The following SHPRH variants were observed in gnomAD, a reference collection of about 807,000 sequenced individuals.
The protein encoded by SHPRH is SNF2 histone linker PHD RING helicase.
A neutral mutation model predicts 202.5 loss-of-function variants in SHPRH; 106 were observed. The observed-to-expected ratio is 0.52, with a 90% CI of 0.45 to 0.62. The LOEUF (loss-of-function observed/expected upper bound fraction) is 0.62, where lower values mean the gene tolerates loss of function less well. Ranked by LOEUF, SHPRH falls within the 20% of genes least tolerant of loss-of-function variation. The probability of loss-of-function intolerance (pLI) is 0.00; values close to 1 mark genes in which losing one functional copy is unlikely to be tolerated. For synonymous variants in SHPRH, 729 were observed against 686.0 expected (o/e 1.06, Z -0.98); for missense variants, 1,710 against 2,020.0 (o/e 0.85, Z 2.94).
At chr6:145,895,296 G>T (rs1781917467) in intron 25 of SHPRH, among the ~76,000 whole-genome samples, 1 of 152,016 alleles carries the variant, frequency 6.6e-6, no homozygotes, top group South Asian at 2.1e-4. Context: ...TGTTACATTA[G>T]ATTAGCAGAA....
chr6:145,867,599 AAT>A (rs374395571), intron 2 of SHPRH, among the ~76,000 whole-genome samples: 690 of 21,554 alleles, frequency 0.032, 13 homozygotes, highest in Non-Finnish European at 0.035. Flanking sequence ...TTCAAAAAAG[AAT>A]ATATATATAT....
intron 25 of SHPRH, chr6:145,905,640 A>C (rs540619987): frequency 5.9e-5 from 9 of 152,096 alleles, no homozygotes; most frequent in Non-Finnish European, 1.0e-4. Context: ...GATTCAATGT[A>C]AACTCAGCAT....
At position 145,945,555 on chromosome 6, in the gene SHPRH, G is replaced by C. The variant is rs1197867709; in HGVS notation, c.1404C>G (p.Val468=). The change falls in exon 8 of 30, where the codon GTC becomes GTG. Residue 468 remains valine, a synonymous_variant. Coordinates refer to ENST00000275233, the MANE Select transcript of SHPRH (RefSeq NM_001042683.3). The stretch of plus-strand genomic sequence containing the variant: ...GAACATCGTATCTATATATAGAACT[G>C]ACATACTTATAGATGGAAAGGATGG... The part of the protein sequence containing the change: ...GVSILSIYKY[V]SSIYRYDVQR... 1.2e-6 allele frequency: 2 copies of C among 1,612,964 alleles called. No individual in the cohort carries two copies. Among genetic ancestry groups the C allele is most frequent in the East Asian group, 2.2e-5 (1 of 44,806 alleles).
Position 145,947,635 on chromosome 6 carries a change from C to G in SHPRH, c.1070G>C (p.Arg357Pro). ...CTGCGGCCCAGAATTTGGGTACTCA[C>G]GAATGATGCTGAGGAAAAAAACAAG... Reference protein sequence around the residue: ...YYNPYTGCIIREYPNSGPQLL... With the variant: ...YYNPYTGCIIPEYPNSGPQLL... Residue 357 changes from arginine (R) to proline (P), a missense_variant, in exon 6 of 30, where the codon CGT becomes CCT. Around this residue, in one of 8 missense-constraint regions of SHPRH, gnomAD observed 459 missense variants for 426.5 expected, o/e 1.08. Transcript: ENST00000275233. 6.2e-7 allele frequency: 1 copy of G among 1,611,916 alleles called. No homozygotes were observed. The highest frequency in any genetic ancestry group is 1.1e-5 in the South Asian group (1 of 90,938).
In SHPRH at chr6:145,954,852, A is replaced by T; in HGVS notation, c.471T>A (p.Gly157=). The T allele has an allele frequency of 1.2e-6, 2 of 1,613,600 alleles. No homozygotes were observed. The highest frequency in any genetic ancestry group is 1.3e-5 in the African/African-American group (1 of 74,944). ...CTTTTTTTTGTTTCTCTACATCTTC[A>T]CCTTTTGAATGAACATAAATCAGGA... The part of the protein sequence containing the change: ...NQFLIYVHSK[G]EDVEKQKKEP... The change falls in exon 2 of 30, where the codon GGT becomes GGA. Residue 157 remains glycine, a synonymous_variant. Coordinates refer to ENST00000275233, the MANE Select transcript of SHPRH (RefSeq NM_001042683.3).
intron 17 of SHPRH, 22 bp downstream of exon 17, chr6:145,924,717 G>A (rs1562326884): frequency 1.2e-6 from 2 of 1,601,172 alleles, no homozygotes; most frequent in Non-Finnish European, 1.7e-6. Flanking sequence ...ATACAAGTAA[G>A]AAACACTGCA....
chr6:145,928,111 T>A (rs1394304692), intron 14 of SHPRH, among the ~76,000 whole-genome samples: 1 of 152,020 alleles, frequency 6.6e-6, no homozygotes, highest in Non-Finnish European at 1.5e-5. Flanking sequence ...TATTAGAACC[T>A]AGCTCTGCTC....
chr6:145,905,534 G>A (rs1782885287), intron 25 of SHPRH: 1 of 151,948 alleles, frequency 6.6e-6, no homozygotes, highest in Non-Finnish European at 1.5e-5. Flanking sequence ...ATAAAATGAT[G>A]TCATATTTGC....
At chr6:145,913,923 T>C (rs1277834708) in intron 23 of SHPRH, among the ~76,000 whole-genome samples, 1 of 152,142 alleles carries the variant, frequency 6.6e-6, no homozygotes, top group Non-Finnish European at 1.5e-5. Flanking sequence ...TTTAAACAAA[T>C]TGAACCAATG....
In SHPRH at chr6:145,946,226, T is replaced by G; in HGVS notation, c.1321+7A>C. Reference sequence around the variant, plus strand: ...AAGGTATTTCCTTTAAGAGATGTCTTACTTACGAGGGCATTGAACTTTTTC... The same window carrying G: ...AAGGTATTTCCTTTAAGAGATGTCTGACTTACGAGGGCATTGAACTTTTTC... On this transcript the variant is annotated splice_region_variant and intron_variant, in intron 7 of 29. Coordinates refer to ENST00000275233, the MANE Select transcript of SHPRH (RefSeq NM_001042683.3). The G allele has an allele frequency of 6.2e-7, 1 of 1,601,666 alleles. No individual in the cohort carries two copies. Among genetic ancestry groups the G allele is most frequent in the Non-Finnish European group, 8.5e-7 (1 of 1,173,146 alleles).
rs138886846 is a variant in SHPRH, at chr6:145,944,456, G to C, written c.1579-654C>G. Among the ~76,000 whole-genome samples, 434 of 152,118 alleles carry C rather than the reference G, an allele frequency of 2.9e-3. 3 individuals are homozygous for C. The highest frequency in any genetic ancestry group is 0.01 in the African/African-American group (419 of 41,532). The stretch of plus-strand genomic sequence containing the variant: ...CAACATAGTGGGAGTATGATAGGCA[G>C]GTAGTTAATAGGGACAGCTTCCTCC... On this transcript the variant is annotated intron_variant, in intron 8 of 29. Coordinates refer to ENST00000275233, the MANE Select transcript of SHPRH (RefSeq NM_001042683.3).
In SHPRH at chr6:145,934,866, T is replaced by C. The variant is rs755552049; in HGVS notation, c.2990+41A>G. On this transcript the variant is annotated intron_variant, in intron 13 of 29. Coordinates refer to ENST00000275233, the MANE Select transcript of SHPRH (RefSeq NM_001042683.3). ...CGTGGGCCTGAAATATTGTCTATTA[T>C]GATATACCAACTGCAATTAAAAAAA... 3.8e-6 allele frequency: 6 copies of C among 1,561,034 alleles called. No homozygotes were observed. The Admixed American group carries it at 9.1e-5, about 24-fold the overall frequency.
chr6:145,919,662 A>G lies in SHPRH; in HGVS notation c.4009-171T>C, dbSNP rs936173399. Reference sequence around the variant, plus strand: ...ATTTTTAGGATGAAATGTGAATGAAAAAAATCTCTATAGGACACTGCCTCT... The same window carrying G: ...ATTTTTAGGATGAAATGTGAATGAAGAAAATCTCTATAGGACACTGCCTCT... On this transcript the variant is annotated intron_variant, in intron 21 of 29. Transcript: ENST00000275233. Among the ~76,000 whole-genome samples, 17 of 152,250 alleles carry G rather than the reference A, an allele frequency of 1.1e-4. No homozygotes were observed. In the East Asian group the frequency reaches 1.9e-3, roughly 17 times the overall value.
chr6:145,963,027 CTTTCGGG>C (rs1202887779), intron 1 of SHPRH, among the ~76,000 whole-genome samples: 2 of 152,186 alleles, frequency 1.3e-5, no homozygotes, highest in East Asian at 3.8e-4. Context: ...AGTCCAGCTC[CTTTCGGG>C]TGGACAAAGA....
At chr6:145,876,414 T>C (rs1780305924) in intron 2 of SHPRH, among the ~76,000 whole-genome samples, 2 of 152,224 alleles carry the variant, frequency 1.3e-5, no homozygotes, top group Non-Finnish European at 2.9e-5. Flanking sequence ...ACATTTCTTA[T>C]AAACAGAAAT....
At chr6:145,923,232 A>G (rs1350308285) in intron 18 of SHPRH, among the ~76,000 whole-genome samples, 1 of 151,820 alleles carries the variant, frequency 6.6e-6, no homozygotes, top group Non-Finnish European at 1.5e-5. Context: ...TATTGGGAAG[A>G]AAGAAGAAAA....
intron 14 of SHPRH, among the ~76,000 whole-genome samples, chr6:145,927,947 G>T (rs1041410173): frequency 2.0e-5 from 3 of 151,888 alleles, no homozygotes; most frequent in Non-Finnish European, 4.4e-5. Context: ...TTAAAGCACA[G>T]TCTGGCAAAG....
chr6:145,858,890 T>C, the SHPRH span, among the ~76,000 whole-genome samples: 8 of 152,120 alleles, frequency 5.3e-5, no homozygotes, highest in South Asian at 1.0e-3. Flanking sequence ...TGGAGTGATA[T>C]GGTACTTTAG....
At position 145,948,370 on chromosome 6, in the gene SHPRH, T is replaced by C; in HGVS notation, c.983-20A>G. 2 of 1,578,322 alleles carry C rather than the reference T, an allele frequency of 1.3e-6. No individual in the cohort carries two copies. The highest frequency in any genetic ancestry group is 1.7e-6 in the Non-Finnish European group (2 of 1,162,122). On this transcript the variant is annotated intron_variant, in intron 4 of 29. Transcript: ENST00000275233. ...CACTTTCTAAAGAAAAATATAATCATAATAACAAATTTTTGTTTTCCCTTC... is the reference window on the plus strand; with the variant it reads ...CACTTTCTAAAGAAAAATATAATCACAATAACAAATTTTTGTTTTCCCTTC...
Sources: allele counts gnomAD v4.1 joint callset (sites outside exome capture counted in the v4.1 genomes callset), GRCh38; gene constraint gnomAD v4.1.1; regional missense constraint gnomAD v4.1.1; transcripts MANE v1.5; gene names NCBI Gene and HGNC (gene_info 2026-07-23, HGNC 2026-07-21).